SGSM3: variants seen among roughly 807,000 people sequenced by gnomAD.
The protein encoded by SGSM3 is small G protein signaling modulator 3.
A neutral mutation model predicts 100.5 loss-of-function variants in SGSM3; 96 were observed. The observed-to-expected ratio is 0.96, with a 90% CI of 0.81 to 1.13. SGSM3 has a LOEUF of 1.13. SGSM3 is among the 50% of genes most tolerant of loss of function. The probability of loss-of-function intolerance (pLI) is 0.00; values close to 1 mark genes in which losing one functional copy is unlikely to be tolerated. For missense variants in SGSM3, 1,001 were observed against 1,015.8 expected (o/e 0.99, Z 0.20); for synonymous variants, 483 against 422.8 (o/e 1.14, Z -1.75).
rs756480264 is a variant in SGSM3 at position 40,407,106 on chromosome 22, T to C, written c.1240+35T>C. On this transcript the variant is annotated intron_variant, in intron 11 of 21. Coordinates refer to ENST00000248929, the MANE Select transcript of SGSM3 (RefSeq NM_015705.6). The surrounding 1 kb of genome is among the most constrained non-coding windows in gnomAD (Gnocchi z 4.7). ...CTGCGAGTGCCAGGCAGTGTGGGCATGCGGGAGTCTGTCCTCACGCTCATG... is the reference window on the plus strand; with the variant it reads ...CTGCGAGTGCCAGGCAGTGTGGGCACGCGGGAGTCTGTCCTCACGCTCATG... 1.9e-6 allele frequency: 3 copies of C among 1,606,518 alleles called. No individual in the cohort carries two copies. The highest frequency in any genetic ancestry group is 2.2e-5 in the South Asian group (2 of 89,992).
chr22:40,394,158 T>C (rs779331113), intron 1 of SGSM3, among the ~76,000 whole-genome samples: 1 of 152,226 alleles, frequency 6.6e-6, no homozygotes, highest in Non-Finnish European at 1.5e-5. Flanking sequence ...TTTCCAACGT[T>C]TACATTTCTA....
intron 1 of SGSM3, chr22:40,388,251 T>C (rs2048786172): frequency 3.3e-5 from 5 of 152,172 alleles, no homozygotes; most frequent in Admixed American, 3.3e-4. Flanking sequence ...ATATAAATGA[T>C]CAACAAAAAT....
intron 1 of SGSM3, among the ~76,000 whole-genome samples, chr22:40,374,259 C>T (rs542939414): frequency 2.6e-5 from 4 of 152,148 alleles, no homozygotes; most frequent in South Asian, 4.2e-4. Context: ...GCCAATAGGG[C>T]GGTTTTTATA....
chr22:40,401,605 C>A lies in SGSM3; in HGVS notation c.20C>A (p.Pro7His). 1 of 1,612,942 alleles carries A rather than the reference C, an allele frequency of 6.2e-7. No individual in the cohort carries two copies. Among genetic ancestry groups the A allele is most frequent in the East Asian group, 2.2e-5 (1 of 44,808 alleles). The change falls in exon 3 of 22, where the codon CCT (proline) becomes CAT (histidine). Residue 7 changes from proline (P) to histidine (H), a missense_variant. Pro to His is a moderately conservative substitution (Grantham distance 77). Transcript: ENST00000248929. MSGSHT[P>H]ACGPFSALTP... is the part of the protein sequence containing the mutation. ...TCTTTGGTTTTAGGAAGCCATACAC[C>A]TGCCTGTGGCCCTTTCTCAGCCCTG...
chr22:40,385,945 G>A (rs2048349466), intron 1 of SGSM3, among the ~76,000 whole-genome samples: 1 of 151,930 alleles, frequency 6.6e-6, no homozygotes, highest in Non-Finnish European at 1.5e-5. Flanking sequence ...TCGACCTCCC[G>A]GGCCCAGGCG....
chr22:40,376,411 C>T (rs957703645), intron 1 of SGSM3: 1 of 151,914 alleles, frequency 6.6e-6, no homozygotes, highest in Non-Finnish European at 1.5e-5. Context: ...GCTTTAATCT[C>T]ATGAGTTGCT....
intron 1 of SGSM3, among the ~76,000 whole-genome samples, chr22:40,392,484 A>G (rs1378775400): frequency 1.3e-5 from 2 of 152,132 alleles, no homozygotes; most frequent in Admixed American, 6.5e-5. Flanking sequence ...TTGGTTTTGT[A>G]TAAGCATTAA....
At chr22:40,403,152 C>T (rs1449262762) in intron 4 of SGSM3, among the ~76,000 whole-genome samples, 5 of 152,180 alleles carry the variant, frequency 3.3e-5, no homozygotes, top group South Asian at 4.1e-4. Context: ...CTGCTTGATG[C>T]GGACAATGTT....
At chr22:40,370,943 C>A (rs1289164658) in intron 1 of SGSM3, among the ~76,000 whole-genome samples, 8 of 152,204 alleles carry the variant, frequency 5.3e-5, no homozygotes, top group Non-Finnish European at 1.0e-4. Flanking sequence ...CCTAGACGGC[C>A]GAGGCCACCT....
At position 40,410,005 on chromosome 22, in the gene SGSM3, T is replaced by C. The variant is rs1194525268; in HGVS notation, c.*246T>C. The C allele has an allele frequency of 3.0e-6, 4 of 1,333,440 alleles. No homozygotes were observed. In the Admixed American group the frequency reaches 1.5e-4, roughly 51 times the overall value. 82.6% of individuals were successfully genotyped at this position (1,333,440 alleles called of 1,614,324 possible). On this transcript the variant is annotated 3_prime_UTR_variant, in exon 22 of 22. Coordinates refer to ENST00000248929, the MANE Select transcript of SGSM3 (RefSeq NM_015705.6). Reference sequence around the variant, plus strand: ...TTGTACCAAAAACCTTGTGAGGAGGTGGGGGAGCCATGTCTGTGCTCAGGA... The same window carrying C: ...TTGTACCAAAAACCTTGTGAGGAGGCGGGGGAGCCATGTCTGTGCTCAGGA...
At chr22:40,401,048 G>C (rs911196860) in intron 2 of SGSM3, among the ~76,000 whole-genome samples, 4 of 152,164 alleles carry the variant, frequency 2.6e-5, no homozygotes, top group African/African-American at 9.7e-5. Flanking sequence ...TGGAGAAAGA[G>C]GCCGGAAGAT....
chr22:40,389,600 GAAAAAAAAAAA>G (rs71326802), intron 1 of SGSM3, among the ~76,000 whole-genome samples: 27 of 33,648 alleles, frequency 8.0e-4, no homozygotes, highest in African/African-American at 2.9e-3. Context: ...CTCCGTCTCA[GAAAAAAAAAAA>G]AAAAAAAAAA....
rs147746136 is a variant in SGSM3 at position 40,398,967 on chromosome 22, G to A, written c.-111-1729G>A. Among the ~76,000 whole-genome samples, 502 of 139,386 alleles carry A rather than the reference G, an allele frequency of 3.6e-3. 92 individuals carry two copies. The highest frequency in any genetic ancestry group is 5.3e-3 in the Non-Finnish European group (341 of 64,558). 91.4% of individuals were successfully genotyped at this position (139,386 alleles called of 152,430 possible). On this transcript the variant is annotated intron_variant, in intron 1 of 21. Transcript: ENST00000248929. Reference sequence around the variant, plus strand: ...CTCTGCTACACGAGTAGCAGAGCTAGGATTGGACTGGAGATGTCTTTACTT... The same window carrying A: ...CTCTGCTACACGAGTAGCAGAGCTAAGATTGGACTGGAGATGTCTTTACTT...
chr22:40,388,461 C>T (rs762208497), intron 1 of SGSM3, among the ~76,000 whole-genome samples: 10 of 152,116 alleles, frequency 6.6e-5, no homozygotes, highest in Non-Finnish European at 1.2e-4. Flanking sequence ...GAGGCAAGTG[C>T]GAGGCAGGTG....
chr22:40,380,089 A>G (rs1339847851), intron 1 of SGSM3, among the ~76,000 whole-genome samples: 1 of 152,176 alleles, frequency 6.6e-6, no homozygotes, highest in Non-Finnish European at 1.5e-5. Flanking sequence ...AATCCCATGG[A>G]CAAAGACTAA....
intron 1 of SGSM3, among the ~76,000 whole-genome samples, chr22:40,389,916 G>GAAAAAAAAAA (rs34606137): frequency 3.8e-5 from 4 of 104,964 alleles, no homozygotes; most frequent in Non-Finnish European, 8.1e-5. Flanking sequence ...AAAAAAAAAA[G>GAAAAAAAAAA]AAAAAAAAAA....
At chr22:40,380,663 G>T (rs2047420534) in intron 1 of SGSM3, among the ~76,000 whole-genome samples, 1 of 152,062 alleles carries the variant, frequency 6.6e-6, no homozygotes, top group Non-Finnish European at 1.5e-5. Flanking sequence ...ATAAAAACAG[G>T]CCTGGCTCAC....
chr22:40,404,140 G>A (rs1039115883), intron 4 of SGSM3, 107 bp from the exon 5 acceptor site: 8 of 909,222 alleles, frequency 8.8e-6, no homozygotes, highest in Non-Finnish European at 1.1e-5. Context: ...GGAGAGAGCT[G>A]GCCTAGAGCC....
At chr22:40,392,266 G>A (rs2049451061) in intron 1 of SGSM3, among the ~76,000 whole-genome samples, 1 of 151,648 alleles carries the variant, frequency 6.6e-6, no homozygotes, top group Non-Finnish European at 1.5e-5. Flanking sequence ...TATGGCAGGG[G>A]AAGGGGGCTT....
Sources: gnomAD v4.1 joint callset for allele counts (sites outside exome capture counted in the v4.1 genomes callset) on GRCh38, gnomAD v4.1.1 for gene constraint, Gnocchi (gnomAD v3.1) non-coding constraint, MANE v1.5 for transcripts, NCBI Gene and HGNC (gene_info 2026-07-23, HGNC 2026-07-21) for gene names.